Variants in CEP63 observed in about 807,000 individuals in gnomAD.
CEP63 encodes centrosomal protein 63.
Under a neutral mutation model 89.1 loss-of-function variants are expected in CEP63, and 84 were observed. That is an observed-to-expected ratio of 0.94 (90% CI 0.79 to 1.13). CEP63 has a LOEUF of 1.13. Ranked by LOEUF, CEP63 falls within the 50% of genes most tolerant of loss-of-function variation. CEP63 has a pLI of 0.00. For missense variants in CEP63, 838 were observed against 813.3 expected (o/e 1.03, Z -0.37); for synonymous variants, 267 against 272.5 (o/e 0.98, Z 0.20).
At position 134,531,934 on chromosome 3, in the gene CEP63, TGAA is replaced by T. The variant is rs768979659; in HGVS notation, c.317_318+1del. The T allele has an allele frequency of 6.2e-7, 1 of 1,607,024 alleles. No homozygotes were observed. The highest frequency in any genetic ancestry group is 1.7e-5 in the Admixed American group (1 of 59,970). On this transcript the variant is annotated inframe_deletion, in exon 4 of 15. Transcript: ENST00000675561. ...ATAAGCAGGAGTTGAAGAAACTACA[TGAA>T]GAAGTGAGATTTTAGTTTTGTTAAA...
chr3:134,762,834 A>G, the CEP63 span, among the ~76,000 whole-genome samples: 1 of 152,208 alleles, frequency 6.6e-6, no homozygotes, highest in Non-Finnish European at 1.5e-5. Context: ...TTTAGCCAAA[A>G]GCCCCCACAG....
the CEP63 span, among the ~76,000 whole-genome samples, chr3:134,748,920 C>T: frequency 9.9e-5 from 15 of 152,142 alleles, no homozygotes; most frequent in Admixed American, 1.3e-4. Flanking sequence ...GCAAGGGCAT[C>T]TGGGCATGAG....
the CEP63 span, chr3:134,625,244 A>G: frequency 1.2e-6 from 1 of 825,830 alleles, no homozygotes; most frequent in African/African-American, 1.7e-5. Flanking sequence ...CCTTTAACAC[A>G]ATTCTCAAAG....
the CEP63 span, among the ~76,000 whole-genome samples, chr3:134,594,109 T>C: frequency 1.3e-5 from 2 of 152,198 alleles, no homozygotes; most frequent in Non-Finnish European, 2.9e-5. Flanking sequence ...CAAATACAAA[T>C]ATAAATATGA....
chr3:134,520,061 T>C (rs1947106590), intron 3 of CEP63, among the ~76,000 whole-genome samples: 1 of 152,134 alleles, frequency 6.6e-6, no homozygotes, highest in Non-Finnish European at 1.5e-5. Flanking sequence ...TTTGTTGTTG[T>C]TATTGTAGTG....
chr3:134,555,406 A>G (rs1955926635), intron 12 of CEP63, among the ~76,000 whole-genome samples: 1 of 151,522 alleles, frequency 6.6e-6, no homozygotes, highest in Admixed American at 6.6e-5. Context: ...CCTTAAGCTG[A>G]TAAGCAACTT....
chr3:134,736,658 G>T, the CEP63 span, among the ~76,000 whole-genome samples: 1 of 152,126 alleles, frequency 6.6e-6, no homozygotes, highest in Admixed American at 6.6e-5. Flanking sequence ...AACATTGAAA[G>T]GTTCCTGAAT....
the CEP63 span, among the ~76,000 whole-genome samples, chr3:134,748,345 T>A: frequency 6.6e-6 from 1 of 152,216 alleles, no homozygotes; most frequent in African/African-American, 2.4e-5. Context: ...TATGTGTATT[T>A]ATCTAAATTA....
the CEP63 span, among the ~76,000 whole-genome samples, chr3:134,670,151 C>T: frequency 5.3e-5 from 8 of 151,982 alleles, no homozygotes; most frequent in Non-Finnish European, 4.4e-5. Flanking sequence ...GTTTATATGC[C>T]GATCAATAAT....
At chr3:134,527,591 A>C (rs1052205314) in intron 3 of CEP63, among the ~76,000 whole-genome samples, 2 of 152,196 alleles carry the variant, frequency 1.3e-5, no homozygotes, top group African/African-American at 4.8e-5. Context: ...GCATAGGCAC[A>C]TGCCAGCAAA....
At chr3:134,715,113 T>C in the CEP63 span, among the ~76,000 whole-genome samples, 1 of 152,170 alleles carries the variant, frequency 6.6e-6, no homozygotes, top group Non-Finnish European at 1.5e-5. Context: ...TTGTCCCAAC[T>C]CTTTTGAGCT....
chr3:134,610,269 C>A, the CEP63 span: 1 of 1,613,850 alleles, frequency 6.2e-7, no homozygotes, highest in African/African-American at 1.3e-5. Context: ...GCCATCTTCC[C>A]TCCAGGTACA....
At chr3:134,627,095 G>C in the CEP63 span, among the ~76,000 whole-genome samples, 2 of 152,086 alleles carry the variant, frequency 1.3e-5, no homozygotes, top group Non-Finnish European at 2.9e-5. Flanking sequence ...CCCCTTTCTT[G>C]GTTCCATTTT....
the CEP63 span, among the ~76,000 whole-genome samples, chr3:134,596,157 C>T: frequency 2.0e-5 from 3 of 152,116 alleles, no homozygotes; most frequent in African/African-American, 7.2e-5. Context: ...GTTATATAAT[C>T]TTCAAACAGG....
chr3:134,749,355 G>A, the CEP63 span, among the ~76,000 whole-genome samples: 593 of 152,224 alleles, frequency 3.9e-3, 27 homozygotes, highest in East Asian at 0.086. Context: ...GGAACTGCTC[G>A]GATTTTGGCT....
chr3:134,696,570 T>C, the CEP63 span, among the ~76,000 whole-genome samples: 53 of 152,296 alleles, frequency 3.5e-4, no homozygotes, highest in Middle Eastern at 0.01. Flanking sequence ...CTGTGGAATA[T>C]TGAAGAAATG....
the CEP63 span, among the ~76,000 whole-genome samples, chr3:134,720,679 T>C: frequency 1.3e-5 from 2 of 152,140 alleles, no homozygotes; most frequent in African/African-American, 4.8e-5. Context: ...AGGGTCCAAC[T>C]TCACTCTTTT....
At chr3:134,602,176 C>T in the CEP63 span, among the ~76,000 whole-genome samples, 1 of 152,200 alleles carries the variant, frequency 6.6e-6, no homozygotes, top group South Asian at 2.1e-4. Context: ...CTGGAGAAGC[C>T]GGGAGTTCAG....
intron 3 of CEP63, among the ~76,000 whole-genome samples, chr3:134,508,709 T>G (rs999560880): frequency 2.0e-5 from 3 of 152,196 alleles, no homozygotes; most frequent in Admixed American, 2.0e-4. Context: ...CATCAAAATT[T>G]CTCTCAAAGA....
Sources: allele counts gnomAD v4.1 joint callset (sites outside exome capture counted in the v4.1 genomes callset), GRCh38; gene constraint gnomAD v4.1.1; transcripts MANE v1.5; gene names NCBI Gene and HGNC (gene_info 2026-07-23, HGNC 2026-07-21).